The following UBE3C variants were observed in gnomAD, a reference collection of about 807,000 sequenced individuals.
UBE3C encodes the protein ubiquitin-protein ligase E3C.
In UBE3C, 42 loss-of-function variants were observed where a neutral mutation model predicts 129.4. That is an observed-to-expected ratio of 0.32 (90% CI 0.25 to 0.42). The LOEUF is 0.42. Among genes scored for constraint, UBE3C ranks in the 10% least tolerant of loss-of-function variants. The pLI, the probability that UBE3C is intolerant of heterozygous loss-of-function variation, is 1.00. For missense variants in UBE3C, 1,049 were observed against 1,319.1 expected (o/e 0.80, Z 3.17); for synonymous variants, 510 against 492.4 (o/e 1.04, Z -0.47).
chr7:157,169,157 C>T (rs545386576), intron 3 of UBE3C, 35 bp downstream of exon 3: 2 of 1,532,310 alleles, frequency 1.3e-6, no homozygotes, highest in South Asian at 1.1e-5. Flanking sequence ...ATTAGTAGGG[C>T]ATGGGAGAGC....
chr7:157,209,918 C>T (rs1327554063), intron 13 of UBE3C, among the ~76,000 whole-genome samples: 2 of 152,232 alleles, frequency 1.3e-5, no homozygotes, highest in Non-Finnish European at 2.9e-5. Context: ...TGGTGGCTCA[C>T]GCCTATAATC....
chr7:157,171,647 A>G (rs1808367601), intron 4 of UBE3C, among the ~76,000 whole-genome samples: 1 of 128,226 alleles, frequency 7.8e-6, no homozygotes, highest in Non-Finnish European at 1.7e-5. Context: ...GGTTATATAC[A>G]TTTTTAAATA....
rs1367049166 is a variant in UBE3C at position 157,139,109 on chromosome 7, G to C, written c.-164G>C. ...CCCCTCCCGCCCCAGGGCAGGGCTG[G>C]GAGGGTACAGCCCGGGGGCGGGCTC... On this transcript the variant is annotated 5_prime_UTR_variant, in exon 1 of 23. Coordinates refer to ENST00000348165, the MANE Select transcript of UBE3C (RefSeq NM_014671.3). 4.8e-6 allele frequency: 1 copy of C among 207,080 alleles called. No homozygotes were observed. Among genetic ancestry groups the C allele is most frequent in the African/African-American group, 2.4e-5 (1 of 42,456 alleles). 12.8% of individuals were successfully genotyped at this position (207,080 alleles called of 1,614,324 possible).
intron 1 of UBE3C, among the ~76,000 whole-genome samples, chr7:157,153,637 C>T (rs1807819405): frequency 6.6e-6 from 1 of 152,086 alleles, no homozygotes; most frequent in South Asian, 2.1e-4. Context: ...TAAAACCAAA[C>T]TAGATTATCA....
chr7:157,210,864 C>G (rs1401285768), intron 13 of UBE3C, among the ~76,000 whole-genome samples: 3 of 152,228 alleles, frequency 2.0e-5, no homozygotes, highest in Non-Finnish European at 2.9e-5. Flanking sequence ...TGGCTGGTCA[C>G]AGAGCATAGA....
intron 2 of UBE3C, among the ~76,000 whole-genome samples, chr7:157,165,397 C>CTTTTTTTTTTTTTTTTTTTT: frequency 8.0e-6 from 1 of 124,702 alleles, no homozygotes; most frequent in Non-Finnish European, 1.6e-5. Flanking sequence ...TTAGCATTGA[C>CTTTTTTTTTTTTTTTTTTTT]TTTTTTTTTT....
At chr7:157,150,449 G>A (rs747482007) in intron 1 of UBE3C, among the ~76,000 whole-genome samples, 22 of 151,956 alleles carry the variant, frequency 1.4e-4, no homozygotes, top group Non-Finnish European at 2.6e-4. Context: ...ATTTAGAAAC[G>A]TAAAAATTTA....
intron 18 of UBE3C, among the ~76,000 whole-genome samples, chr7:157,236,307 TA>T (rs1187001438): frequency 6.6e-6 from 1 of 152,242 alleles, no homozygotes; most frequent in Non-Finnish European, 1.5e-5. Flanking sequence ...TTATTGAGGT[TA>T]ATCCTTTATC....
At chr7:157,142,722 G>A (rs984745594) in intron 1 of UBE3C, among the ~76,000 whole-genome samples, 2 of 152,098 alleles carry the variant, frequency 1.3e-5, no homozygotes, top group African/African-American at 4.8e-5. Context: ...ACAAGGGCTG[G>A]GAAGCTACCT....
At chr7:157,261,886 C>T (rs758493946) in intron 22 of UBE3C, among the ~76,000 whole-genome samples, 3 of 152,094 alleles carry the variant, frequency 2.0e-5, no homozygotes, top group Non-Finnish European at 4.4e-5. Flanking sequence ...TGCAAATTCC[C>T]GTTGTACTGT....
rs577231429 is a variant in UBE3C, at chr7:157,227,731, A to G, written c.2233+2192A>G. ...AAAAAGAAAAAACTACTCCCTGTAGATGATTTTTTGATGTTACTGTCCAAT... is the reference window on the plus strand; with the variant it reads ...AAAAAGAAAAAACTACTCCCTGTAGGTGATTTTTTGATGTTACTGTCCAAT... On this transcript the variant is annotated intron_variant, in intron 17 of 22. Coordinates refer to ENST00000348165, the MANE Select transcript of UBE3C (RefSeq NM_014671.3). Among the ~76,000 whole-genome samples the G allele has an allele frequency of 5.3e-5, 8 of 152,296 alleles. No individual in the cohort carries two copies. In the South Asian group the frequency reaches 1.7e-3, roughly 32 times the overall value.
At chr7:157,145,384 G>C (rs1186946985) in intron 1 of UBE3C, among the ~76,000 whole-genome samples, 1 of 152,052 alleles carries the variant, frequency 6.6e-6, no homozygotes, top group Non-Finnish European at 1.5e-5. Context: ...CAGGCGTGGT[G>C]ACAGGTGCCT....
chr7:157,211,371 A>G lies in UBE3C; in HGVS notation c.1809+3436A>G, dbSNP rs147195291. ...TCCAAAGCTTGTAGCGCTGTGCCTT[A>G]TCCTTTTCTGTTATTGAAGATTTTG... On this transcript the variant is annotated intron_variant, in intron 13 of 22. Transcript: ENST00000348165. Among the ~76,000 whole-genome samples, 11 of 152,324 alleles carry G rather than the reference A, an allele frequency of 7.2e-5. No homozygotes were observed. The East Asian group carries it at 2.1e-3, about 29-fold the overall frequency.
At chr7:157,201,908 G>A (rs1809296647) in intron 11 of UBE3C, 101 bp downstream of exon 11, 3 of 926,578 alleles carry the variant, frequency 3.2e-6, no homozygotes, top group Non-Finnish European at 3.3e-6. Context: ...TGTTTATACT[G>A]GGCTTATTTC....
chr7:157,192,860 A>T (rs1233684902), intron 10 of UBE3C: 1 of 952,902 alleles, frequency 1.0e-6, no homozygotes, highest in Non-Finnish European at 1.6e-6. Context: ...AAAGACATGA[A>T]CTTAAAAAAA....
In UBE3C at chr7:157,207,972, G is replaced by A. The variant is rs200828555; in HGVS notation, c.1809+37G>A. On this transcript the variant is annotated intron_variant, in intron 13 of 22. Coordinates refer to ENST00000348165, the MANE Select transcript of UBE3C (RefSeq NM_014671.3). ...ATGTATTTTTTTGTTTACTGACATT[G>A]AAAAATGTACAAACTTTTGTCTTGA... The A allele has an allele frequency of 1.5e-4, 177 of 1,185,732 alleles. No homozygotes were observed. In the Middle Eastern group the frequency reaches 3.5e-3, roughly 24 times the overall value. 73.5% of individuals were successfully genotyped at this position (1,185,732 alleles called of 1,614,324 possible).
chr7:157,231,620 G>T, intron 18 of UBE3C: 2 of 358,214 alleles, frequency 5.6e-6, no homozygotes, highest in Non-Finnish European at 1.0e-5. Flanking sequence ...GAATGGATGA[G>T]TGGTTTATTG....
rs1809085141 is a variant in UBE3C at position 157,195,229 on chromosome 7, G to C, written c.1332-6492G>C. Among the ~76,000 whole-genome samples, 3 of 152,328 alleles carry C rather than the reference G, an allele frequency of 2.0e-5. No individual in the cohort carries two copies. The South Asian group carries it at 6.2e-4, about 32-fold the overall frequency. On this transcript the variant is annotated intron_variant, in intron 10 of 22. Transcript: ENST00000348165. ...GGATTTTCCAGGAAAGATATGTGAG[G>C]AGCCTCCTGTGTAAATGAGTGAATC...
At chr7:157,151,135 T>TA (rs1314918596) in intron 1 of UBE3C, among the ~76,000 whole-genome samples, 1 of 152,168 alleles carries the variant, frequency 6.6e-6, no homozygotes, top group Non-Finnish European at 1.5e-5. Context: ...CTCCACCCCC[T>TA]AAAGGGCAGC....
Sources: allele counts gnomAD v4.1 joint callset (sites outside exome capture counted in the v4.1 genomes callset), GRCh38; gene constraint gnomAD v4.1.1; transcripts MANE v1.5; gene names NCBI Gene and HGNC (gene_info 2026-07-23, HGNC 2026-07-21).